Variants in KLHL41 observed in about 807,000 individuals in gnomAD.
The protein encoded by KLHL41 is kelch like family member 41, also known as kelch-like protein 41.
KLHL41 carries 31 observed loss-of-function variants against 49.2 expected under a neutral mutation model. The ratio of observed to expected loss-of-function variants is 0.63; its 90% CI spans 0.47 to 0.85. The LOEUF is 0.85. Ranked by LOEUF, KLHL41 falls within the 40% of genes least tolerant of loss-of-function variation. The pLI, the probability that KLHL41 is intolerant of heterozygous loss-of-function variation, is 0.00. For missense variants in KLHL41, 663 were observed against 726.7 expected (o/e 0.91, Z 1.01); for synonymous variants, 218 against 258.5 (o/e 0.84, Z 1.50).
At chr2:169,519,810 T>A (rs1684171175) in intron 4 of KLHL41, among the ~76,000 whole-genome samples, 1 of 152,148 alleles carries the variant, frequency 6.6e-6, no homozygotes, top group African/African-American at 2.4e-5. Context: ...GTCAGGCTGG[T>A]CTCGAACTCC....
chr2:169,525,467 ATCT>A (rs1684289162), intron 5 of KLHL41, 115 bp from the exon 6 acceptor site: 1 of 646,744 alleles, frequency 1.5e-6, no homozygotes, highest in Non-Finnish European at 2.8e-6. Context: ...AGGCAGGTGC[ATCT>A]TCTTCTGAGT....
intron 3 of KLHL41, among the ~76,000 whole-genome samples, chr2:169,515,969 C>G (rs1684109435): frequency 6.6e-6 from 1 of 152,098 alleles, no homozygotes; most frequent in Non-Finnish European, 1.5e-5. Flanking sequence ...TCTTAAGGAA[C>G]CTGTAATCAG....
chr2:169,517,621 C>T (rs1684136125), intron 3 of KLHL41, among the ~76,000 whole-genome samples: 1 of 152,204 alleles, frequency 6.6e-6, no homozygotes, highest in South Asian at 2.1e-4. Flanking sequence ...CCAGGTCTTT[C>T]TGGTAGCATT....
chr2:169,518,331 TG>T lies in KLHL41; in HGVS notation c.1520del (p.Gly507ValfsTer18), dbSNP rs771199342. 6.2e-7 allele frequency: 1 copy of T among 1,613,988 alleles called. No individual in the cohort carries two copies. Among genetic ancestry groups the T allele is most frequent in the Non-Finnish European group, 8.5e-7 (1 of 1,179,944 alleles). On this transcript the variant is annotated frameshift_variant, in exon 4 of 6. Coordinates refer to ENST00000284669, the MANE Select transcript of KLHL41 (RefSeq NM_006063.3). LOFTEE classifies it high-confidence loss of function. The part of the protein sequence containing the change: ...IVIAGGVTED[G>X]LSASVEAFDL... ...TGATTGCAGGAGGTGTCACTGAAGA[TG>T]GTCTTTCAGCTTCAGTTGAAGCTTT...
chr2:169,514,382 C>T, intron 1 of KLHL41, 192 bp from the exon 2 acceptor site: 1 of 454,328 alleles, frequency 2.2e-6, no homozygotes, highest in Non-Finnish European at 3.8e-6. Flanking sequence ...TCTGGTAGGC[C>T]AAGTAGATTT....
intron 1 of KLHL41, 89 bp from the exon 2 acceptor site, chr2:169,514,485 C>G: frequency 9.2e-7 from 1 of 1,088,766 alleles, no homozygotes; most frequent in Non-Finnish European, 1.3e-6. Flanking sequence ...TCGATGACTT[C>G]TAAACAACAT....
chr2:169,515,719 G>A (rs1684106900), intron 3 of KLHL41, among the ~76,000 whole-genome samples: 1 of 152,042 alleles, frequency 6.6e-6, no homozygotes, highest in African/African-American at 2.4e-5. Flanking sequence ...ACTTTAGATA[G>A]GTCAGTTTGA....
At chr2:169,515,093 GTGTGATCTCGGCTCAC>G in intron 3 of KLHL41, 132 bp downstream of exon 3, 1 of 558,496 alleles carries the variant, frequency 1.8e-6, no homozygotes, top group East Asian at 3.5e-5. Context: ...GAGTGCAGTG[GTGTGATCTCGGCTCAC>G]TGCAACCGCC....
rs764344037 is a variant in KLHL41, at chr2:169,509,734, G to A, written c.-45G>A. 1.3e-6 allele frequency: 2 copies of A among 1,569,790 alleles called. No individual in the cohort carries two copies. Among genetic ancestry groups the A allele is most frequent in the Non-Finnish European group, 1.7e-6 (2 of 1,163,860 alleles). ...CAGCTAGACCTGTGTGCTGCAAGGA[G>A]CTAAGGCCTTCAGTGTCCCCTTCCT... On this transcript the variant is annotated 5_prime_UTR_variant, in exon 1 of 6. Coordinates refer to ENST00000284669, the MANE Select transcript of KLHL41 (RefSeq NM_006063.3).
At chr2:169,518,814 G>C (rs1684156018) in intron 4 of KLHL41, among the ~76,000 whole-genome samples, 1 of 152,140 alleles carries the variant, frequency 6.6e-6, no homozygotes, top group South Asian at 2.1e-4. Flanking sequence ...TGAGTAGCTA[G>C]GACTACCACT....
At chr2:169,515,326 C>G (rs915909661) in intron 3 of KLHL41, among the ~76,000 whole-genome samples, 2 of 152,136 alleles carry the variant, frequency 1.3e-5, no homozygotes, top group African/African-American at 4.8e-5. Context: ...AGCCACCACG[C>G]CCGGTCTCTT....
chr2:169,525,473 T>G, intron 5 of KLHL41, 112 bp from the exon 6 acceptor site: 1 of 661,234 alleles, frequency 1.5e-6, no homozygotes. Flanking sequence ...GTGCATCTTC[T>G]TCTGAGTAAG....
chr2:169,523,780 G>A (rs1684239028), intron 5 of KLHL41, among the ~76,000 whole-genome samples: 1 of 152,122 alleles, frequency 6.6e-6, no homozygotes, highest in Non-Finnish European at 1.5e-5. Context: ...AGATTCTCAG[G>A]TCTCACTTCA....
chr2:169,518,419 A>G, intron 4 of KLHL41, 44 bp downstream of exon 4: 1 of 1,370,062 alleles, frequency 7.3e-7, no homozygotes. Flanking sequence ...ACAACTATAC[A>G]TTTTAATTGT....
chr2:169,514,688 C>G lies in KLHL41; in HGVS notation c.1225C>G (p.Gln409Glu), dbSNP rs1168210084. 5 of 1,613,958 alleles carry G rather than the reference C, an allele frequency of 3.1e-6. No homozygotes were observed. Among genetic ancestry groups the G allele is most frequent in the Non-Finnish European group, 4.2e-6 (5 of 1,179,982 alleles). ...CTATGTAGTTGCAGGCAAAGACCTTCAAACAGAGGCTTCGCTGGATTCAGT... is the reference window on the plus strand; with the variant it reads ...CTATGTAGTTGCAGGCAAAGACCTTGAAACAGAGGCTTCGCTGGATTCAGT... ...KIYVVAGKDL[Q>E]TEASLDSVLC... Residue 409 changes from glutamine to glutamate, a missense_variant, in exon 2 of 6, where the codon CAA becomes GAA. Physicochemically the swap from Gln to Glu is conservative, Grantham distance 29. Transcript: ENST00000284669.
intron 1 of KLHL41, among the ~76,000 whole-genome samples, chr2:169,513,740 T>C (rs989837371): frequency 6.6e-6 from 1 of 152,218 alleles, no homozygotes; most frequent in Non-Finnish European, 1.5e-5. Flanking sequence ...AACTGTACTC[T>C]TGCAGAAAAC....
intron 3 of KLHL41, 31 bp downstream of exon 3, chr2:169,514,992 C>A: frequency 2.3e-6 from 3 of 1,286,454 alleles, no homozygotes; most frequent in African/African-American, 1.5e-5. Flanking sequence ...TGATTTATGT[C>A]TAAATGACTT....
chr2:169,511,755 AT>A (rs1684032287), intron 1 of KLHL41, among the ~76,000 whole-genome samples: 1 of 152,214 alleles, frequency 6.6e-6, no homozygotes, highest in East Asian at 1.9e-4. Context: ...ATTTATTTGG[AT>A]CAGAGATACA....
chr2:169,514,500 A>C, intron 1 of KLHL41, 74 bp from the exon 2 acceptor site: 3 of 1,269,338 alleles, frequency 2.4e-6, no homozygotes, highest in Non-Finnish European at 3.3e-6. Context: ...CAACATATAA[A>C]GTATAACTTT....
Sources: allele counts gnomAD v4.1 joint callset (sites outside exome capture counted in the v4.1 genomes callset), GRCh38; gene constraint gnomAD v4.1.1; transcripts MANE v1.5; gene names NCBI Gene and HGNC (gene_info 2026-07-23, HGNC 2026-07-21).